Variants in PIAS1 observed in about 807,000 individuals in gnomAD.
The protein encoded by PIAS1 is E3 SUMO-protein ligase PIAS1.
A neutral mutation model predicts 71.3 loss-of-function variants in PIAS1; 6 were observed. The ratio of observed to expected loss-of-function variants is 0.08; its 90% CI spans 0.05 to 0.17. PIAS1 has a LOEUF of 0.17. Among genes scored for constraint, PIAS1 ranks in the 10% least tolerant of loss-of-function variants. The pLI, the probability that PIAS1 is intolerant of heterozygous loss-of-function variation, is 1.00. For missense variants in PIAS1, 555 were observed against 793.6 expected (o/e 0.70, Z 3.61); for synonymous variants, 303 against 292.9 (o/e 1.03, Z -0.35).
intron 2 of PIAS1, among the ~76,000 whole-genome samples, chr15:68,112,369 A>G (rs1017827395): frequency 6.6e-6 from 1 of 152,146 alleles, no homozygotes. Context: ...TTCCTTCACC[A>G]CAAATTCCTT....
In PIAS1 at chr15:68,189,944, A is replaced by G. The variant is rs558559502; in HGVS notation, c.*2109A>G. ...CTAAAATTGTGGGGAGTTTTTTCTG[A>G]TTTTTACATTGCTTTAGGAAACATT... On this transcript the variant is annotated 3_prime_UTR_variant, in exon 14 of 14. Coordinates refer to ENST00000249636, the MANE Select transcript of PIAS1 (RefSeq NM_016166.3). The G allele has an allele frequency of 6.6e-6, 1 of 152,046 alleles. No individual in the cohort carries two copies. The highest frequency in any genetic ancestry group is 2.1e-4 in the South Asian group (1 of 4,816). The allele number at this position is 152,046 out of a possible 1,614,324, so 9.4% of individuals were successfully genotyped here.
intron 1 of PIAS1, among the ~76,000 whole-genome samples, chr15:68,068,448 C>T (rs1031714122): frequency 2.6e-5 from 4 of 151,962 alleles, no homozygotes; most frequent in East Asian, 3.9e-4. Flanking sequence ...GTGATTTACC[C>T]GGGGTTAAGT....
chr15:68,128,583 A>AT (rs1214461078), intron 2 of PIAS1, among the ~76,000 whole-genome samples: 7 of 151,374 alleles, frequency 4.6e-5, no homozygotes, highest in African/African-American at 2.4e-5. Context: ...CTAAAAAAAA[A>AT]TTTTTTTTGG....
In PIAS1 at chr15:68,088,180, A is replaced by G. The variant is rs867879847; in HGVS notation, c.469+1430A>G. ...TGTCTGTCTGATTATGTGTGTGTAT[A>G]TATATATATATATATATATATCCCA... is the stretch of plus-strand genomic sequence containing the variant. On this transcript the variant is annotated intron_variant, in intron 2 of 13. Transcript: ENST00000249636. 1.4e-3 allele frequency among the ~76,000 whole-genome samples: 182 copies of G among 128,090 alleles called. 3 individuals are homozygous for G. The highest frequency in any genetic ancestry group is 6.0e-3 in the East Asian group (27 of 4,486). 84.0% of individuals were successfully genotyped at this position (128,090 alleles called of 152,430 possible).
At chr15:68,141,050 A>G (rs906629927) in intron 2 of PIAS1, among the ~76,000 whole-genome samples, 6 of 152,216 alleles carry the variant, frequency 3.9e-5, no homozygotes, top group Non-Finnish European at 7.3e-5. Context: ...AACATGTACT[A>G]AAAGCCAATG....
At chr15:68,179,560 T>G (rs1405183713) in intron 11 of PIAS1, among the ~76,000 whole-genome samples, 1 of 118,694 alleles carries the variant, frequency 8.4e-6, no homozygotes, top group Non-Finnish European at 1.6e-5. Flanking sequence ...TCTCGTGAAA[T>G]GTTCTTTTTT....
chr15:68,141,046 T>A (rs1280160103), intron 2 of PIAS1, among the ~76,000 whole-genome samples: 1 of 152,184 alleles, frequency 6.6e-6, no homozygotes, highest in Non-Finnish European at 1.5e-5. Flanking sequence ...ATCTAACATG[T>A]ACTAAAAGCC....
chr15:68,151,488 G>A (rs1442642720), intron 6 of PIAS1, among the ~76,000 whole-genome samples: 1 of 151,892 alleles, frequency 6.6e-6, no homozygotes, highest in Non-Finnish European at 1.5e-5. Flanking sequence ...GAAGCATTAA[G>A]CAAGTAAATA....
chr15:68,187,951 T>C lies in PIAS1; in HGVS notation c.*116T>C. 1.1e-6 allele frequency: 1 copy of C among 931,178 alleles called. No individual in the cohort carries two copies. Among genetic ancestry groups the C allele is most frequent in the Non-Finnish European group, 1.6e-6 (1 of 635,688 alleles). The allele number at this position is 931,178 out of a possible 1,614,324, so 57.7% of individuals were successfully genotyped here. A position where few individuals can be genotyped will look rare whatever the true frequency, so the allele number is the denominator to read the frequency against. ...TTTAGAAAAGTATACAAGCGTGTTT[T>C]TTTTCCTTTTTTTAGGGAAAAAATT... On this transcript the variant is annotated 3_prime_UTR_variant, in exon 14 of 14. Coordinates refer to ENST00000249636, the MANE Select transcript of PIAS1 (RefSeq NM_016166.3). This position sits in a 1 kb window ranked among gnomAD's most constrained non-coding sequence, Gnocchi z 5.3.
chr15:68,179,554 G>A (rs1298617157), intron 11 of PIAS1, among the ~76,000 whole-genome samples: 1 of 72,230 alleles, frequency 1.4e-5, no homozygotes, highest in Middle Eastern at 0.012. Context: ...TTGTCATCTC[G>A]TGAAATGTTC....
chr15:68,055,750 TAAAA>T, intron 1 of PIAS1: 1 of 527,780 alleles, frequency 1.9e-6, no homozygotes, highest in Non-Finnish European at 3.3e-6. Flanking sequence ...TTATAATAAA[TAAAA>T]ATTATTTAAT....
chr15:68,123,249 G>A (rs1482487283), intron 2 of PIAS1, among the ~76,000 whole-genome samples: 2 of 151,848 alleles, frequency 1.3e-5, no homozygotes, highest in Non-Finnish European at 2.9e-5. Context: ...AGAGTGTCTT[G>A]TAGTGTTACT....
intron 12 of PIAS1, among the ~76,000 whole-genome samples, chr15:68,182,699 C>T (rs1014321381): frequency 4.6e-5 from 7 of 152,174 alleles, no homozygotes; most frequent in Admixed American, 2.0e-4. Flanking sequence ...GGATTACAGG[C>T]GTGAGCCACT....
intron 2 of PIAS1, among the ~76,000 whole-genome samples, chr15:68,106,063 G>T (rs1195983963): frequency 2.6e-5 from 4 of 151,912 alleles, no homozygotes; most frequent in Non-Finnish European, 5.9e-5. Flanking sequence ...TACTACTTTT[G>T]CTGTATACCA....
chr15:68,159,203 A>C (rs550229304), intron 7 of PIAS1, among the ~76,000 whole-genome samples: 1 of 152,216 alleles, frequency 6.6e-6, no homozygotes, highest in South Asian at 2.1e-4. Flanking sequence ...TGATTACTGC[A>C]GGACAAATAT....
chr15:68,066,205 C>T (rs187999116), intron 1 of PIAS1, among the ~76,000 whole-genome samples: 17 of 151,952 alleles, frequency 1.1e-4, no homozygotes, highest in Admixed American at 7.2e-4. Context: ...CCACAACCTC[C>T]GCCTCCTGGA....
chr15:68,059,060 A>G (rs1357976990), intron 1 of PIAS1, among the ~76,000 whole-genome samples: 3 of 136,756 alleles, frequency 2.2e-5, no homozygotes, highest in African/African-American at 5.6e-5. Context: ...GCAGTAGTGC[A>G]GTGGCGCGAT....
intron 1 of PIAS1, among the ~76,000 whole-genome samples, chr15:68,065,826 G>A (rs904959151): frequency 1.5e-5 from 2 of 130,360 alleles, no homozygotes; most frequent in South Asian, 2.5e-4. Context: ...CTGCAGCTTC[G>A]AACTCCTGGG....
chr15:68,097,787 GT>G (rs938031474), intron 2 of PIAS1, among the ~76,000 whole-genome samples: 5 of 152,092 alleles, frequency 3.3e-5, no homozygotes, highest in Non-Finnish European at 1.5e-5. Flanking sequence ...TGATTGTATA[GT>G]TTTTCCCATT....
Sources: gnomAD v4.1 joint callset for allele counts (sites outside exome capture counted in the v4.1 genomes callset) on GRCh38, gnomAD v4.1.1 for gene constraint, Gnocchi (gnomAD v3.1) non-coding constraint, MANE v1.5 for transcripts, NCBI Gene and HGNC (gene_info 2026-07-23, HGNC 2026-07-21) for gene names.